Variants in MAP3K4 observed in about 807,000 individuals in gnomAD.
MAP3K4 encodes mitogen-activated protein kinase kinase kinase 4, also known as MAP three kinase 1.
In MAP3K4, 67 loss-of-function variants were observed where a neutral mutation model predicts 185.6. The ratio of observed to expected loss-of-function variants is 0.36; its 90% CI spans 0.30 to 0.44. MAP3K4 has a LOEUF of 0.44. MAP3K4 is among the 20% of genes least tolerant of loss of function. The probability of loss-of-function intolerance (pLI) is 1.00; values close to 1 mark genes in which losing one functional copy is unlikely to be tolerated. For missense variants in MAP3K4, 1,551 were observed against 1,995.1 expected (o/e 0.78, Z 4.24); for synonymous variants, 702 against 710.4 (o/e 0.99, Z 0.19).
At chr6:161,058,024 G>A (rs1303255632) in intron 3 of MAP3K4, among the ~76,000 whole-genome samples, 1 of 152,226 alleles carries the variant, frequency 6.6e-6, no homozygotes, top group East Asian at 1.9e-4. Flanking sequence ...ATATTGAGAA[G>A]ACTAGTAGCT....
rs574881394 is a variant in MAP3K4 at position 161,067,254 on chromosome 6, A to G, written c.1708-3354A>G. The G allele has an allele frequency of 3.1e-4, 138 of 444,738 alleles. No homozygotes were observed. Among genetic ancestry groups the G allele is most frequent in the African/African-American group, 2.7e-3 (133 of 49,716 alleles). 27.5% of individuals were successfully genotyped at this position (444,738 alleles called of 1,614,324 possible). ...AGATGTACATTGGTTCCATCCAGAA[A>G]GACAGGACAACTCGAAGCAGGGATG... On this transcript the variant is annotated intron_variant, in intron 3 of 26. Transcript: ENST00000392142. This position sits in a 1 kb window ranked among gnomAD's most constrained non-coding sequence, Gnocchi z 6.3.
rs768607744 is a variant in MAP3K4 at position 161,093,950 on chromosome 6, T to C, written c.3427+99T>C. 38 of 888,954 alleles carry C rather than the reference T, an allele frequency of 4.3e-5. No homozygotes were observed. The highest frequency in any genetic ancestry group is 6.3e-5 in the Non-Finnish European group (35 of 558,404). 55.1% of individuals were successfully genotyped at this position (888,954 alleles called of 1,614,324 possible). A position where few individuals can be genotyped will look rare whatever the true frequency, so the allele number is the denominator to read the frequency against. On this transcript the variant is annotated intron_variant, in intron 15 of 26. Coordinates refer to ENST00000392142, the MANE Select transcript of MAP3K4 (RefSeq NM_005922.4). The surrounding 1 kb of genome is among the most constrained non-coding windows in gnomAD (Gnocchi z 5.2). ...CGTTTAAAATGGTATAAGAGGTGTT[T>C]TAACAGTATTCAGGAAAACGACAAT...
chr6:161,093,947 GT>G lies in MAP3K4; in HGVS notation c.3427+100del, dbSNP rs1163178853. The G allele has an allele frequency of 2.2e-6, 2 of 899,814 alleles. No individual in the cohort carries two copies. Among genetic ancestry groups the G allele is most frequent in the Non-Finnish European group, 3.5e-6 (2 of 566,356 alleles). 55.7% of individuals were successfully genotyped at this position (899,814 alleles called of 1,614,324 possible). On this transcript the variant is annotated intron_variant, in intron 15 of 26. Transcript: ENST00000392142. The surrounding 1 kb of genome is among the most constrained non-coding windows in gnomAD (Gnocchi z 5.2). ...AGTCGTTTAAAATGGTATAAGAGGT[GT>G]TTTAACAGTATTCAGGAAAACGACA...
rs953636932 is a variant in MAP3K4, at chr6:161,076,871, C to T, written c.2097+3259C>T. The stretch of plus-strand genomic sequence containing the variant: ...AGGAACTAGTGCCGAGCGTAAACTC[C>T]CTCTTAGAGTTTAAGAATAGGGGGG... On this transcript the variant is annotated intron_variant, in intron 5 of 26. Transcript: ENST00000392142. This position sits in a 1 kb window ranked among gnomAD's most constrained non-coding sequence, Gnocchi z 4.2. 2.6e-5 allele frequency among the ~76,000 whole-genome samples: 4 copies of T among 152,098 alleles called. No individual in the cohort carries two copies. The highest frequency in any genetic ancestry group is 9.7e-5 in the African/African-American group (4 of 41,400).
At position 161,048,102 on chromosome 6, in the gene MAP3K4, C is replaced by A; in HGVS notation, c.344-514C>A. 2.6e-6 allele frequency: 1 copy of A among 383,780 alleles called. No homozygotes were observed. Among genetic ancestry groups the A allele is most frequent in the Admixed American group, 3.2e-5 (1 of 31,582 alleles). The allele number at this position is 383,780 out of a possible 1,614,324, so 23.8% of individuals were successfully genotyped here. On this transcript the variant is annotated intron_variant, in intron 2 of 26. Coordinates refer to ENST00000392142, the MANE Select transcript of MAP3K4 (RefSeq NM_005922.4). The surrounding 1 kb of genome is among the most constrained non-coding windows in gnomAD (Gnocchi z 4.7). ...TCTTTCAGTTTTTTATGAGAATAAT[C>A]TTAGGGTGCCTTAAGTATTCTTGCA...
In MAP3K4 at chr6:161,061,527, C is replaced by T. The variant is rs1784485327; in HGVS notation, c.1708-9081C>T. 6.6e-6 allele frequency among the ~76,000 whole-genome samples: 1 copy of T among 152,106 alleles called. No individual in the cohort carries two copies. Among genetic ancestry groups the T allele is most frequent in the Non-Finnish European group, 1.5e-5 (1 of 68,020 alleles). On this transcript the variant is annotated intron_variant, in intron 3 of 26. Transcript: ENST00000392142. The surrounding 1 kb of genome is among the most constrained non-coding windows in gnomAD (Gnocchi z 4.2). ...TTCTCTGTATTTGGAGTTGTGCAAC[C>T]ATCACCACTGCAACCATCCTCACTG...
rs576325695 is a variant in MAP3K4 at position 161,101,075 on chromosome 6, A to C, written c.3675-817A>C. On this transcript the variant is annotated intron_variant, in intron 17 of 26. Transcript: ENST00000392142. The surrounding 1 kb of genome is among the most constrained non-coding windows in gnomAD (Gnocchi z 5.1). ...CATTATACCATTCACTTAAAAATAT[A>C]TACTAAATGACTTTAATAAACTAAT... is the stretch of plus-strand genomic sequence containing the variant. 1.3e-5 allele frequency: 2 copies of C among 152,246 alleles called. No individual in the cohort carries two copies. The highest frequency in any genetic ancestry group is 2.9e-5 in the Non-Finnish European group (2 of 68,042). The allele number at this position is 152,246 out of a possible 1,614,324, so 9.4% of individuals were successfully genotyped here.
rs1419998694 is a variant in MAP3K4, at chr6:161,061,361, C to T, written c.1708-9247C>T. Among the ~76,000 whole-genome samples, 1 of 152,244 alleles carries T rather than the reference C, an allele frequency of 6.6e-6. No homozygotes were observed. Among genetic ancestry groups the T allele is most frequent in the East Asian group, 1.9e-4 (1 of 5,206 alleles). ...ACATCAGATAACTGCATTTTAAAGA[C>T]TTTTGGAACATTTCTTCTCGTGGCT... is the stretch of plus-strand genomic sequence containing the variant. On this transcript the variant is annotated intron_variant, in intron 3 of 26. Coordinates refer to ENST00000392142, the MANE Select transcript of MAP3K4 (RefSeq NM_005922.4). The surrounding 1 kb of genome is among the most constrained non-coding windows in gnomAD (Gnocchi z 4.2).
At chr6:161,025,902 G>A (rs1358235510) in intron 1 of MAP3K4, among the ~76,000 whole-genome samples, 1 of 151,986 alleles carries the variant, frequency 6.6e-6, no homozygotes, top group African/African-American at 2.4e-5. Flanking sequence ...AAATTTTCCT[G>A]TCTTAGACCT....
Position 161,086,720 on chromosome 6 carries a change from TA to T in MAP3K4, c.2556+57del. 6.9e-7 allele frequency: 1 copy of T among 1,446,896 alleles called. No individual in the cohort carries two copies. Among genetic ancestry groups the T allele is most frequent in the Non-Finnish European group, 9.6e-7 (1 of 1,041,960 alleles). 89.6% of individuals were successfully genotyped at this position (1,446,896 alleles called of 1,614,324 possible). ...ACATTTTGCCTTTCCTTCTTTATTC[TA>T]AAACAGGCAGACTTTTTCTTGAAGG... On this transcript the variant is annotated intron_variant, in intron 9 of 26. Coordinates refer to ENST00000392142, the MANE Select transcript of MAP3K4 (RefSeq NM_005922.4). The surrounding 1 kb of genome is among the most constrained non-coding windows in gnomAD (Gnocchi z 4.8).
rs1214812728 is a variant in MAP3K4, at chr6:161,091,006, C to G, written c.2974-373C>G. 6.6e-6 allele frequency among the ~76,000 whole-genome samples: 1 copy of G among 152,114 alleles called. No homozygotes were observed. Among genetic ancestry groups the G allele is most frequent in the Non-Finnish European group, 1.5e-5 (1 of 68,024 alleles). On this transcript the variant is annotated intron_variant, in intron 11 of 26. Coordinates refer to ENST00000392142, the MANE Select transcript of MAP3K4 (RefSeq NM_005922.4). The surrounding 1 kb of genome is among the most constrained non-coding windows in gnomAD (Gnocchi z 5.5). ...AGCAGGGAAATGAGGACAGCACGAT[C>G]GGAGGAGGTCATCTAGAAGTACATG...
At position 161,101,400 on chromosome 6, in the gene MAP3K4, A is replaced by G. The variant is rs1431930132; in HGVS notation, c.3675-492A>G. 3.9e-5 allele frequency: 6 copies of G among 152,396 alleles called. No homozygotes were observed. The highest frequency in any genetic ancestry group is 1.2e-4 in the African/African-American group (5 of 41,570). 9.4% of individuals were successfully genotyped at this position (152,396 alleles called of 1,614,324 possible). On this transcript the variant is annotated intron_variant, in intron 17 of 26. Coordinates refer to ENST00000392142, the MANE Select transcript of MAP3K4 (RefSeq NM_005922.4). The surrounding 1 kb of genome is among the most constrained non-coding windows in gnomAD (Gnocchi z 5.1). The stretch of plus-strand genomic sequence containing the variant: ...TTTAAATGTAATTAAGTACATAAAT[A>G]TAATTTGATGGTAACTTTAAAGATC...
chr6:161,102,618 C>G lies in MAP3K4; in HGVS notation c.3776-81C>G, dbSNP rs1449075369. 4 of 917,442 alleles carry G rather than the reference C, an allele frequency of 4.4e-6. No homozygotes were observed. In the East Asian group the frequency reaches 8.4e-5, roughly 19 times the overall value. The allele number at this position is 917,442 out of a possible 1,614,324, so 56.8% of individuals were successfully genotyped here. A position where few individuals can be genotyped will look rare whatever the true frequency, so the allele number is the denominator to read the frequency against. ...GAAAGGCAAACAGGTTGCTTTTAAC[C>G]ATTACCTTTCCTTTCAGTTGTTCTC... On this transcript the variant is annotated intron_variant, in intron 18 of 26. Transcript: ENST00000392142.
At position 161,110,640 on chromosome 6, in the gene MAP3K4, C is replaced by T. The variant is rs999042638; in HGVS notation, c.4396+726C>T. Reference sequence around the variant, plus strand: ...AACCTAAACACATTAACTTAGGAACCGACCTGACTTCTGACCAGGGACAAG... The same window carrying T: ...AACCTAAACACATTAACTTAGGAACTGACCTGACTTCTGACCAGGGACAAG... On this transcript the variant is annotated intron_variant, in intron 23 of 26. Transcript: ENST00000392142. The surrounding 1 kb of genome is among the most constrained non-coding windows in gnomAD (Gnocchi z 4.8). Among the ~76,000 whole-genome samples, 3 of 152,140 alleles carry T rather than the reference C, an allele frequency of 2.0e-5. No homozygotes were observed. Among genetic ancestry groups the T allele is most frequent in the Non-Finnish European group, 4.4e-5 (3 of 68,022 alleles).
In MAP3K4 at chr6:161,098,340, C is replaced by CTGCTGCTGT. The variant is rs754688537; in HGVS notation, c.3595_3596insTTGCTGCTG (p.Ala1198_Ala1199insValAlaAla). On this transcript the variant is annotated inframe_insertion, in exon 17 of 27. Coordinates refer to ENST00000392142, the MANE Select transcript of MAP3K4 (RefSeq NM_005922.4). The surrounding 1 kb of genome is among the most constrained non-coding windows in gnomAD (Gnocchi z 4.4). ...AGCCCTGCTGCTGCTGCTGCTGCTG[C>CTGCTGCTGT]TGCTGCTGCTGTTGCTGCCAGTCGG... is the stretch of plus-strand genomic sequence containing the variant. 52 of 1,611,978 alleles carry CTGCTGCTGT rather than the reference C, an allele frequency of 3.2e-5. No homozygotes were observed. The highest frequency in any genetic ancestry group is 3.1e-4 in the East Asian group (14 of 44,848).
intron 13 of MAP3K4, among the ~76,000 whole-genome samples, 165 bp downstream of exon 13, chr6:161,092,308 C>G (rs576741952): frequency 2.0e-5 from 3 of 151,856 alleles, no homozygotes; most frequent in Non-Finnish European, 2.9e-5. Flanking sequence ...GAGAAAACTG[C>G]GTAACTCTTG....
chr6:161,005,512 T>C (rs528822747), intron 1 of MAP3K4, among the ~76,000 whole-genome samples: 36 of 152,210 alleles, frequency 2.4e-4, no homozygotes, highest in African/African-American at 8.4e-4. Flanking sequence ...TGAATACCCA[T>C]TGATTAAGTC....
At chr6:161,041,550 G>A (rs947507131) in intron 2 of MAP3K4, among the ~76,000 whole-genome samples, 3 of 152,198 alleles carry the variant, frequency 2.0e-5, no homozygotes, top group African/African-American at 7.2e-5. Flanking sequence ...GCCTGTTGTC[G>A]GCTAAGGCTC....
intron 1 of MAP3K4, among the ~76,000 whole-genome samples, chr6:161,000,770 T>C (rs771020049): frequency 8.6e-5 from 13 of 150,936 alleles, no homozygotes; most frequent in South Asian, 2.1e-4. Context: ...TATACACACA[T>C]ATGTGTACAC....
Sources: allele counts gnomAD v4.1 joint callset (sites outside exome capture counted in the v4.1 genomes callset), GRCh38; gene constraint gnomAD v4.1.1; non-coding constraint Gnocchi (gnomAD v3.1); transcripts MANE v1.5; gene names NCBI Gene and HGNC (gene_info 2026-07-23, HGNC 2026-07-21).